Variants in PLXNA4 observed in about 807,000 individuals in gnomAD.
PLXNA4 encodes plexin A4.
PLXNA4 carries 44 observed loss-of-function variants against 191.8 expected under a neutral mutation model. The ratio of observed to expected loss-of-function variants is 0.23; its 90% CI spans 0.18 to 0.29. The LOEUF is 0.29. Among genes scored for constraint, PLXNA4 ranks in the 10% least tolerant of loss-of-function variants. The pLI is 1.00. For synonymous variants in PLXNA4, 1,082 were observed against 1,009.5 expected (o/e 1.07, Z -1.36); for missense variants, 1,800 against 2,488.8 (o/e 0.72, Z 5.89).
At chr7:132,173,455 C>A (rs2116691250) in intron 21 of PLXNA4, among the ~76,000 whole-genome samples, 1 of 152,302 alleles carries the variant, frequency 6.6e-6, no homozygotes, top group East Asian at 1.9e-4. Flanking sequence ...AGACCGTCAC[C>A]TCCAACTTAT....
intron 2 of PLXNA4, among the ~76,000 whole-genome samples, chr7:132,490,486 CATG>C (rs1318617286): frequency 7.6e-6 from 1 of 131,772 alleles, no homozygotes; most frequent in African/African-American, 2.8e-5. Context: ...AGTGCAGTGA[CATG>C]ATAATGGCTC....
At chr7:132,638,214 G>C (rs746034593) in intron 2 of PLXNA4, among the ~76,000 whole-genome samples, 1 of 152,180 alleles carries the variant, frequency 6.6e-6, no homozygotes, top group Non-Finnish European at 1.5e-5. Flanking sequence ...CCTCTATCAC[G>C]GGCAGCTCTC....
intron 3 of PLXNA4, among the ~76,000 whole-genome samples, chr7:132,407,728 G>A (rs180767479): frequency 1.3e-5 from 2 of 152,298 alleles, no homozygotes; most frequent in East Asian, 3.9e-4. Flanking sequence ...TTTCCAGGGT[G>A]GATGCAGGGC....
At chr7:132,237,796 AC>A (rs1177879377) in intron 5 of PLXNA4, among the ~76,000 whole-genome samples, 1 of 152,210 alleles carries the variant, frequency 6.6e-6, no homozygotes, top group East Asian at 1.9e-4. Context: ...TTTCTGACAT[AC>A]GGAGTTATCG....
intron 2 of PLXNA4, among the ~76,000 whole-genome samples, chr7:132,605,992 C>T (rs994173802): frequency 7.9e-5 from 12 of 152,152 alleles, no homozygotes; most frequent in Middle Eastern, 3.4e-3. Flanking sequence ...GGTGAAACCC[C>T]GCCTCTACTA....
chr7:132,140,528 G>T, intron 30 of PLXNA4, 71 bp downstream of exon 30: 2 of 1,574,464 alleles, frequency 1.3e-6, no homozygotes, highest in Non-Finnish European at 1.7e-6. Flanking sequence ...TGATGGGGAG[G>T]GGACCTTTTG....
intron 3 of PLXNA4, among the ~76,000 whole-genome samples, chr7:132,356,555 C>T (rs1803714038): frequency 6.6e-6 from 1 of 152,234 alleles, no homozygotes; most frequent in African/African-American, 2.4e-5. Context: ...CCTCTCTTCA[C>T]TACCTGCTTT....
At chr7:132,397,227 G>C (rs1489195884) in intron 3 of PLXNA4, among the ~76,000 whole-genome samples, 1 of 152,260 alleles carries the variant, frequency 6.6e-6, no homozygotes, top group African/African-American at 2.4e-5. Context: ...TCTGATGTGA[G>C]TAATTTGGAT....
At chr7:132,555,302 G>T (rs1211806724) in intron 1 of PLXNA4, among the ~76,000 whole-genome samples, 3 of 152,156 alleles carry the variant, frequency 2.0e-5, no homozygotes, top group Non-Finnish European at 4.4e-5. Context: ...CAGAGAGCCA[G>T]AATTAATGCA....
intron 1 of PLXNA4, among the ~76,000 whole-genome samples, chr7:132,536,503 T>C (rs973917717): frequency 8.5e-5 from 13 of 152,212 alleles, no homozygotes; most frequent in Non-Finnish European, 1.9e-4. Context: ...AGGAGGCTTC[T>C]GAACAAGGCT....
intron 3 of PLXNA4, among the ~76,000 whole-genome samples, chr7:132,320,555 C>G (rs1162830709): frequency 2.6e-5 from 4 of 152,238 alleles, no homozygotes; most frequent in African/African-American, 9.6e-5. Context: ...GTTCAACCTG[C>G]AACACCCCAC....
intron 3 of PLXNA4, among the ~76,000 whole-genome samples, chr7:132,334,113 C>A (rs563963651): frequency 6.6e-6 from 1 of 152,068 alleles, no homozygotes; most frequent in East Asian, 1.9e-4. Flanking sequence ...ACTCTGTAGC[C>A]CAGTGTAAAA....
intron 30 of PLXNA4, among the ~76,000 whole-genome samples, chr7:132,135,848 T>C (rs1795096067): frequency 6.6e-6 from 1 of 152,162 alleles, no homozygotes; most frequent in South Asian, 2.1e-4. Context: ...CTCTTTCCTG[T>C]TCCCTTTGCA....
intron 1 of PLXNA4, among the ~76,000 whole-genome samples, chr7:132,539,497 A>G (rs552523316): frequency 5.6e-4 from 86 of 152,322 alleles, no homozygotes; most frequent in Middle Eastern, 6.8e-3. Context: ...GGGTTCCAGC[A>G]ATCTGATTTT....
At chr7:132,480,813 G>A (rs116564479) in intron 3 of PLXNA4, among the ~76,000 whole-genome samples, 1,660 of 152,288 alleles carry the variant, frequency 0.011, 39 homozygotes, top group African/African-American at 0.038. Flanking sequence ...GAAATTGCCC[G>A]TGGAGGCAGG....
intron 25 of PLXNA4, among the ~76,000 whole-genome samples, chr7:132,152,825 A>T (rs1242960759): frequency 6.6e-6 from 1 of 152,154 alleles, no homozygotes; most frequent in Non-Finnish European, 1.5e-5. Context: ...CTCCTCACAA[A>T]CACCTTCTCC....
chr7:132,576,314 G>T lies in PLXNA4; in HGVS notation c.-87+108C>A. ...CTGCGTGTGTGCGTGTGCGTGTGCC[G>T]CGGGCTGGCTCCGGGACACTGAGGA... On this transcript the variant is annotated intron_variant, in intron 1 of 31. Coordinates refer to ENST00000321063, the MANE Select transcript of PLXNA4 (RefSeq NM_020911.2). The surrounding 1 kb of genome is among the most constrained non-coding windows in gnomAD (Gnocchi z 5.8). 1 of 806,146 alleles carries T rather than the reference G, an allele frequency of 1.2e-6. No individual in the cohort carries two copies. The highest frequency in any genetic ancestry group is 1.5e-6 in the Non-Finnish European group (1 of 669,630). 49.9% of individuals were successfully genotyped at this position (806,146 alleles called of 1,614,324 possible).
intron 2 of PLXNA4, among the ~76,000 whole-genome samples, chr7:132,595,970 T>C (rs1035561146): frequency 1.1e-4 from 17 of 152,220 alleles, no homozygotes; most frequent in African/African-American, 4.1e-4. Flanking sequence ...TCCATTATAT[T>C]ATCTAACATC....
intron 3 of PLXNA4, among the ~76,000 whole-genome samples, chr7:132,348,847 T>A (rs932000146): frequency 6.6e-6 from 1 of 152,130 alleles, no homozygotes; most frequent in Non-Finnish European, 1.5e-5. Flanking sequence ...TAGAGGCAAT[T>A]CTTATTATGC....
Sources: gnomAD v4.1 joint callset for allele counts (sites outside exome capture counted in the v4.1 genomes callset) on GRCh38, gnomAD v4.1.1 for gene constraint, Gnocchi (gnomAD v3.1) non-coding constraint, MANE v1.5 for transcripts, NCBI Gene and HGNC (gene_info 2026-07-23, HGNC 2026-07-21) for gene names.